The following MBTPS1 variants were observed in gnomAD, a reference collection of about 807,000 sequenced individuals.
The protein encoded by MBTPS1 is membrane bound transcription factor peptidase, site 1.
MBTPS1 carries 94 observed loss-of-function variants against 127.8 expected under a neutral mutation model. That is an observed-to-expected ratio of 0.74 (90% CI 0.62 to 0.87). MBTPS1 has a LOEUF of 0.87. Ranked by LOEUF, MBTPS1 falls within the 40% of genes least tolerant of loss-of-function variation. MBTPS1 has a pLI of 0.00. For missense variants in MBTPS1, 1,636 were observed against 1,353.2 expected (o/e 1.21, Z -3.28); for synonymous variants, 632 against 509.4 (o/e 1.24, Z -3.24).
At chr16:84,099,775 CA>C (rs57148184) in intron 2 of MBTPS1, among the ~76,000 whole-genome samples, 4,017 of 76,304 alleles carry the variant, frequency 0.053, 116 homozygotes, top group African/African-American at 0.15. Flanking sequence ...GCCTCCGTCT[CA>C]AAAAAAAAAA....
intron 12 of MBTPS1, 109 bp downstream of exon 12, chr16:84,074,488 C>T (rs1384775666): frequency 3.5e-6 from 4 of 1,143,354 alleles, no homozygotes; most frequent in Non-Finnish European, 2.5e-6. Context: ...CTCTCCTCGG[C>T]CTAGAACTTT....
intron 17 of MBTPS1, 82 bp downstream of exon 17, chr16:84,066,407 T>C: frequency 7.0e-7 from 1 of 1,438,832 alleles, no homozygotes; most frequent in Non-Finnish European, 9.4e-7. Context: ...CACCATTCTC[T>C]TTCTCAAGAA....
At chr16:84,096,776 A>G (rs2086184849) in intron 3 of MBTPS1, among the ~76,000 whole-genome samples, 1 of 152,198 alleles carries the variant, frequency 6.6e-6, no homozygotes. Flanking sequence ...ACGGTTCTTA[A>G]TTGAAATTCC....
intron 21 of MBTPS1, chr16:84,057,519 C>G (rs1251597276): frequency 6.6e-6 from 1 of 152,252 alleles, no homozygotes; most frequent in Non-Finnish European, 1.5e-5. Context: ...AGGGAGGACG[C>G]TGACACTTCC....
intron 14 of MBTPS1, among the ~76,000 whole-genome samples, chr16:84,069,213 A>G (rs1374499317): frequency 6.6e-6 from 1 of 152,230 alleles, no homozygotes; most frequent in Admixed American, 6.5e-5. Flanking sequence ...GTCCAAACAT[A>G]AAAGCAGAAA....
At chr16:84,091,937 T>A in intron 6 of MBTPS1, 89 bp from the exon 7 acceptor site, 1 of 776,964 alleles carries the variant, frequency 1.3e-6, no homozygotes, top group Non-Finnish European at 2.2e-6. Context: ...CTTTTAAAAT[T>A]ACAAGTAGTT....
chr16:84,109,742 A>C (rs1431879371), intron 1 of MBTPS1, among the ~76,000 whole-genome samples: 1 of 152,232 alleles, frequency 6.6e-6, no homozygotes, highest in Non-Finnish European at 1.5e-5. Flanking sequence ...AGTGCAACTC[A>C]TGAATCCAAA....
At chr16:84,077,698 T>A (rs2085881480) in intron 11 of MBTPS1, among the ~76,000 whole-genome samples, 3 of 152,128 alleles carry the variant, frequency 2.0e-5, no homozygotes, top group Admixed American at 2.0e-4. Context: ...GAAAAAGACT[T>A]TCTAAGGACT....
chr16:84,068,771 C>A (rs1449187597), intron 14 of MBTPS1, among the ~76,000 whole-genome samples: 1 of 152,262 alleles, frequency 6.6e-6, no homozygotes, highest in African/African-American at 2.4e-5. Flanking sequence ...AAATTGCTGG[C>A]AACCATCTGT....
chr16:84,064,018 G>A (rs1343605925), intron 18 of MBTPS1, among the ~76,000 whole-genome samples: 4 of 152,150 alleles, frequency 2.6e-5, no homozygotes, highest in African/African-American at 9.7e-5. Context: ...CAATAGCACA[G>A]CCTCCTATCT....
chr16:84,063,445 C>G lies in MBTPS1; in HGVS notation c.2432G>C (p.Gly811Ala). The G allele has an allele frequency of 6.2e-7, 1 of 1,612,752 alleles. No homozygotes were observed. The highest frequency in any genetic ancestry group is 8.5e-7 in the Non-Finnish European group (1 of 1,178,824). The change falls in exon 19 of 23, where the codon GGA (glycine) becomes GCA (alanine). Residue 811 changes from glycine to alanine, a missense_variant and splice_region_variant. Gly to Ala is a moderately conservative substitution (Grantham distance 60, BLOSUM62 0). Transcript: ENST00000343411. ...TGTTTCCTGCTTTAAAACCTCCAAT[C>G]CTGAAACAACACAACAAAAAACAAC... ...VVITQTFKDQ[G>A]LEVLKQETAV...
chr16:84,060,717 C>G lies in MBTPS1; in HGVS notation c.2669G>C (p.Ser890Thr). The change falls in exon 20 of 23, where the codon AGT becomes ACT. Residue 890 changes from serine to threonine, a missense_variant. By Grantham distance (58) the Ser-to-Thr change is moderately conservative. Transcript: ENST00000343411. ...SHSGNRQRPP[S>T]GAGSVTPERM... ...CTCTGGAGTGACTGAGCCTGCTCCA[C>G]TGGGAGGGCGCTGGCGGTTCCCAGA... 1 of 1,613,974 alleles carries G rather than the reference C, an allele frequency of 6.2e-7. No homozygotes were observed. The highest frequency in any genetic ancestry group is 8.5e-7 in the Non-Finnish European group (1 of 1,179,942).
Position 84,067,789 on chromosome 16 carries a change from G to A in MBTPS1, c.2106C>T (p.Tyr702=). Residue 702 remains tyrosine (Y), a synonymous_variant, in exon 16 of 23, where the codon TAC becomes TAT. Transcript: ENST00000343411. ...GGAGCTTGGCGATCTCTTCAGGGAA[G>A]TACTCCTCCTCACTGTCCACCATCA... ...TLLMVDSEEE[Y]FPEEIAKLRR... The A allele has an allele frequency of 6.2e-7, 1 of 1,613,464 alleles. No individual in the cohort carries two copies. Among genetic ancestry groups the A allele is most frequent in the Non-Finnish European group, 8.5e-7 (1 of 1,179,514 alleles).
chr16:84,073,674 A>T (rs1471132305), intron 12 of MBTPS1, among the ~76,000 whole-genome samples: 1 of 149,362 alleles, frequency 6.7e-6, no homozygotes, highest in Non-Finnish European at 1.5e-5. Flanking sequence ...ACAAAACAAT[A>T]TTAAAAAAAA....
intron 1 of MBTPS1, among the ~76,000 whole-genome samples, chr16:84,112,298 C>G (rs996264262): frequency 6.6e-6 from 1 of 152,136 alleles, no homozygotes; most frequent in Admixed American, 6.6e-5. Context: ...TAGTTAATTT[C>G]TGCTTTAATT....
chr16:84,113,578 G>A (rs561356562), intron 1 of MBTPS1, among the ~76,000 whole-genome samples: 2 of 152,220 alleles, frequency 1.3e-5, no homozygotes, highest in Admixed American at 6.5e-5. Context: ...AGCTCTTGGA[G>A]TCTCCCACTT....
chr16:84,069,785 T>C, intron 14 of MBTPS1, 81 bp downstream of exon 14: 2 of 1,316,862 alleles, frequency 1.5e-6, no homozygotes, highest in South Asian at 1.4e-5. Context: ...GAGCAACATC[T>C]TTCCAAGAGT....
chr16:84,063,164 A>G (rs749402810), intron 19 of MBTPS1, 141 bp downstream of exon 19: 16 of 814,816 alleles, frequency 2.0e-5, no homozygotes, highest in Non-Finnish European at 3.0e-5. Flanking sequence ...AATCAAAGTG[A>G]CTGCAACATC....
intron 10 of MBTPS1, among the ~76,000 whole-genome samples, chr16:84,083,400 T>G (rs990627540): frequency 6.6e-6 from 1 of 152,150 alleles, no homozygotes; most frequent in Admixed American, 6.5e-5. Context: ...TCTCAAGAAT[T>G]TGGCTGCAAA....
Sources: gnomAD v4.1 joint callset for allele counts (sites outside exome capture counted in the v4.1 genomes callset) on GRCh38, gnomAD v4.1.1 for gene constraint, MANE v1.5 for transcripts, NCBI Gene and HGNC (gene_info 2026-07-23, HGNC 2026-07-21) for gene names.